Variants in EPB41L4A observed in about 807,000 individuals in gnomAD.
The protein encoded by EPB41L4A is erythrocyte membrane protein band 4.1 like 4A.
EPB41L4A carries 100 observed loss-of-function variants against 108.6 expected under a neutral mutation model. The ratio of observed to expected loss-of-function variants is 0.92; its 90% CI spans 0.78 to 1.09. EPB41L4A has a LOEUF of 1.09. Among genes scored for constraint, EPB41L4A ranks in the 50% least tolerant of loss-of-function variants. The pLI is 0.00. For missense variants in EPB41L4A, 1,030 were observed against 842.7 expected, an observed-to-expected ratio of 1.22 and a Z score of -2.75; for synonymous variants, 319 against 289.0, an observed-to-expected ratio of 1.10 and a Z score of -1.05.
intron 1 of EPB41L4A, among the ~76,000 whole-genome samples, chr5:112,328,991 A>T (rs1446912995): frequency 6.6e-6 from 1 of 152,248 alleles, no homozygotes; most frequent in Non-Finnish European, 1.5e-5. Flanking sequence ...GCAAATGCAC[A>T]GTGAAATGTT....
chr5:112,398,171 A>G (rs1463104861), intron 1 of EPB41L4A, among the ~76,000 whole-genome samples: 1 of 152,216 alleles, frequency 6.6e-6, no homozygotes, highest in Non-Finnish European at 1.5e-5. Context: ...ACTTAGTCCA[A>G]CCCATTCAAT....
intron 2 of EPB41L4A, among the ~76,000 whole-genome samples, chr5:112,302,477 G>T (rs949898897): frequency 4.0e-4 from 61 of 152,300 alleles, no homozygotes; most frequent in African/African-American, 1.4e-3. Context: ...GTGAACAACA[G>T]CTAAAACATT....
chr5:112,417,129 GC>G (rs1305870524), intron 1 of EPB41L4A, among the ~76,000 whole-genome samples: 1 of 152,208 alleles, frequency 6.6e-6, no homozygotes, highest in South Asian at 2.1e-4. Context: ...AGTTGCTGTT[GC>G]CTTTGAATCA....
chr5:112,275,938 T>C (rs577257111), intron 3 of EPB41L4A, among the ~76,000 whole-genome samples: 1 of 152,192 alleles, frequency 6.6e-6, no homozygotes, highest in South Asian at 2.1e-4. Flanking sequence ...TATCTAAATT[T>C]CCGAGCACAG....
intron 9 of EPB41L4A, among the ~76,000 whole-genome samples, chr5:112,242,070 G>T (rs975052433): frequency 6.6e-6 from 1 of 152,190 alleles, no homozygotes; most frequent in Non-Finnish European, 1.5e-5. Context: ...TGACTGACCA[G>T]GGTGGTAGTT....
chr5:112,311,459 C>G (rs1755042841), intron 1 of EPB41L4A, among the ~76,000 whole-genome samples: 1 of 152,184 alleles, frequency 6.6e-6, no homozygotes, highest in Admixed American at 6.5e-5. Context: ...CTCACAGGCT[C>G]TATAGATATC....
chr5:112,188,568 G>A (rs1221015662), intron 17 of EPB41L4A, among the ~76,000 whole-genome samples: 2 of 152,090 alleles, frequency 1.3e-5, no homozygotes, highest in Non-Finnish European at 2.9e-5. Flanking sequence ...TACTCTGGAA[G>A]CCCTAAATCA....
intron 12 of EPB41L4A, among the ~76,000 whole-genome samples, chr5:112,218,332 C>G (rs4324730): frequency 0.013 from 1,988 of 152,282 alleles, 27 homozygotes; most frequent in Non-Finnish European, 0.02. Flanking sequence ...TATGAATGGT[C>G]AGCTGGAATC....
At chr5:112,369,330 C>A (rs571631267) in intron 1 of EPB41L4A, among the ~76,000 whole-genome samples, 1 of 152,302 alleles carries the variant, frequency 6.6e-6, no homozygotes, top group African/African-American at 2.4e-5. Context: ...CAGCTTCCTG[C>A]CTCTAGTTTA....
In EPB41L4A at chr5:112,203,759, C is replaced by T. The variant is rs184636760; in HGVS notation, c.1376+616G>A. ...TTTTATATATTAACATATACTATCT[C>T]GTCTGGGCGCAGTGGCTTACACCTG... On this transcript the variant is annotated intron_variant, in intron 15 of 22. Transcript: ENST00000261486. Among the ~76,000 whole-genome samples the T allele has an allele frequency of 2.0e-3, 304 of 150,946 alleles. 4 individuals carry two copies. The highest frequency in any genetic ancestry group is 9.5e-4 in the Non-Finnish European group (64 of 67,678).
intron 1 of EPB41L4A, among the ~76,000 whole-genome samples, chr5:112,350,516 T>C (rs754927247): frequency 6.6e-6 from 1 of 152,234 alleles, no homozygotes; most frequent in African/African-American, 2.4e-5. Context: ...TTTTGAAATA[T>C]ACAGCACAAT....
At chr5:112,412,965 C>T (rs1229995842) in intron 1 of EPB41L4A, among the ~76,000 whole-genome samples, 1 of 152,190 alleles carries the variant, frequency 6.6e-6, no homozygotes, top group Non-Finnish European at 1.5e-5. Context: ...TAGGTTTAAA[C>T]AGCTTCAAGA....
rs374173800 is a variant in EPB41L4A, at chr5:112,356,469, T to C, written c.100-48979A>G. 1.3e-3 allele frequency among the ~76,000 whole-genome samples: 205 copies of C among 152,338 alleles called. 1 individual carries two copies. Among genetic ancestry groups the C allele is most frequent in the African/African-American group, 4.6e-3 (193 of 41,580 alleles). ...GATGTGGCTGATTTACCAAATGAAG[T>C]ACCTTTTCTAGAGCGAATCTAGCCT... On this transcript the variant is annotated intron_variant, in intron 1 of 22. Transcript: ENST00000261486.
chr5:112,347,951 G>A (rs980452972), intron 1 of EPB41L4A, among the ~76,000 whole-genome samples: 1 of 152,146 alleles, frequency 6.6e-6, no homozygotes, highest in Non-Finnish European at 1.5e-5. Context: ...TCCTCTACGG[G>A]AAACCTTCAA....
intron 1 of EPB41L4A, among the ~76,000 whole-genome samples, chr5:112,394,570 AC>A (rs1761197980): frequency 6.6e-6 from 1 of 152,182 alleles, no homozygotes; most frequent in Non-Finnish European, 1.5e-5. Flanking sequence ...ACTACAAACC[AC>A]TGCTCAATGA....
chr5:112,239,902 C>T (rs1206218883), intron 10 of EPB41L4A, among the ~76,000 whole-genome samples, 165 bp from the exon 11 acceptor site: 3 of 152,144 alleles, frequency 2.0e-5, no homozygotes, highest in Admixed American at 1.3e-4. Flanking sequence ...CAGGGAAGAA[C>T]TCAATTTTGT....
At chr5:112,343,588 A>G (rs1049797236) in intron 1 of EPB41L4A, among the ~76,000 whole-genome samples, 1 of 152,100 alleles carries the variant, frequency 6.6e-6, no homozygotes, top group Non-Finnish European at 1.5e-5. Flanking sequence ...CTTCACCATC[A>G]TCATTACCAC....
chr5:112,282,878 T>C (rs1257723201), intron 2 of EPB41L4A, among the ~76,000 whole-genome samples: 1 of 152,216 alleles, frequency 6.6e-6, no homozygotes, highest in East Asian at 1.9e-4. Flanking sequence ...AGACAACCTT[T>C]GTAATTTTTT....
At chr5:112,302,195 G>A (rs1351963200) in intron 2 of EPB41L4A, among the ~76,000 whole-genome samples, 2 of 152,086 alleles carry the variant, frequency 1.3e-5, no homozygotes, top group South Asian at 4.2e-4. Flanking sequence ...AATTACACAC[G>A]AGTACATGGT....
Sources: gnomAD v4.1 joint callset for allele counts (sites outside exome capture counted in the v4.1 genomes callset) on GRCh38, gnomAD v4.1.1 for gene constraint, MANE v1.5 for transcripts, NCBI Gene and HGNC (gene_info 2026-07-23, HGNC 2026-07-21) for gene names.